Variants in AEBP2 observed in about 807,000 individuals in gnomAD.
The protein encoded by AEBP2 is AE binding protein 2.
AEBP2 carries 10 observed loss-of-function variants against 50.8 expected under a neutral mutation model. That is an observed-to-expected ratio of 0.20 (90% CI 0.12 to 0.33). The LOEUF (loss-of-function observed/expected upper bound fraction) is 0.33. Among genes scored for constraint, AEBP2 ranks in the 10% least tolerant of loss-of-function variants. The pLI, the probability that AEBP2 is intolerant of heterozygous loss-of-function variation, is 1.00. For synonymous variants in AEBP2, 296 were observed against 261.3 expected, an observed-to-expected ratio of 1.13 and a Z score of -1.28; for missense variants, 570 against 688.0, an observed-to-expected ratio of 0.83 and a Z score of 1.92.
rs56666201 is a variant in AEBP2, at chr12:19,473,271, T to C, written c.903T>C (p.Gly301=). Residue 301 remains glycine, a synonymous_variant, in exon 3 of 8, where the codon GGT becomes GGC. Coordinates refer to ENST00000266508, the MANE Select transcript of AEBP2 (RefSeq NM_153207.5). ...RGGVFVCLWK[G]CKVYNTPSTS... ...AGGTATTTGTTTGCTTATGGAAAGG[T>C]TGTAAAGTATATAACACTCCATCTA... 25,396 of 1,506,602 alleles carry C rather than the reference T, an allele frequency of 0.017. 1,517 individuals carry two copies. In the East Asian group the frequency reaches 0.19, roughly 11 times the overall value. 93.3% of individuals were successfully genotyped at this position (1,506,602 alleles called of 1,614,324 possible). A position where few individuals can be genotyped will look rare whatever the true frequency, so the allele number is the denominator to read the frequency against.
intron 5 of AEBP2, among the ~76,000 whole-genome samples, chr12:19,506,290 G>A (rs781119290): frequency 2.6e-5 from 4 of 151,852 alleles, no homozygotes; most frequent in Non-Finnish European, 4.4e-5. Context: ...AGTAGAGATG[G>A]GATTTCGCCA....
chr12:19,463,773 C>G (rs1295435949), intron 2 of AEBP2, among the ~76,000 whole-genome samples: 1 of 139,580 alleles, frequency 7.2e-6, no homozygotes, highest in African/African-American at 2.7e-5. Context: ...CCAAGTGATT[C>G]TCCTGCCTCA....
At chr12:19,462,023 T>C (rs1207948802) in intron 1 of AEBP2, among the ~76,000 whole-genome samples, 1 of 152,154 alleles carries the variant, frequency 6.6e-6, no homozygotes, top group African/African-American at 2.4e-5. Flanking sequence ...TTCTTTGACA[T>C]GAAAAGAAGT....
chr12:19,465,949 G>A (rs533774472), intron 2 of AEBP2, among the ~76,000 whole-genome samples: 26 of 151,484 alleles, frequency 1.7e-4, no homozygotes, highest in East Asian at 7.9e-4. Flanking sequence ...GCACCACCAC[G>A]CCCAGCCAAT....
intron 7 of AEBP2, among the ~76,000 whole-genome samples, chr12:19,515,931 C>T (rs923570579): frequency 1.3e-5 from 2 of 152,038 alleles, no homozygotes; most frequent in Non-Finnish European, 2.9e-5. Flanking sequence ...GAGACCCTGT[C>T]TCTACAAAAA....
chr12:19,453,498 A>G (rs1438463224), intron 1 of AEBP2, among the ~76,000 whole-genome samples: 1 of 149,590 alleles, frequency 6.7e-6, no homozygotes, highest in Non-Finnish European at 1.5e-5. Flanking sequence ...AGCTCAGCTC[A>G]CTGTAGCCTC....
At chr12:19,406,856 A>C (rs10841225) in intron 1 of AEBP2, among the ~76,000 whole-genome samples, 59,131 of 151,960 alleles carry the variant, frequency 0.39, 12,599 homozygotes, top group Non-Finnish European at 0.49. Flanking sequence ...TCTGTGATCC[A>C]TTTTGAACTA....
intron 1 of AEBP2, among the ~76,000 whole-genome samples, chr12:19,445,445 C>T (rs184621637): frequency 1.3e-4 from 19 of 151,702 alleles, no homozygotes; most frequent in African/African-American, 4.4e-4. Context: ...AACTCTTGAC[C>T]TCAAATGATC....
At chr12:19,449,609 G>A (rs557958849) in intron 1 of AEBP2, among the ~76,000 whole-genome samples, 6 of 152,248 alleles carry the variant, frequency 3.9e-5, no homozygotes, top group South Asian at 2.1e-4. Flanking sequence ...AAAGAAAATC[G>A]TTTGTCTTTA....
At chr12:19,418,250 G>C (rs2095743696) in intron 1 of AEBP2, among the ~76,000 whole-genome samples, 1 of 151,022 alleles carries the variant, frequency 6.6e-6, no homozygotes, top group Non-Finnish European at 1.5e-5. Flanking sequence ...TTTGAGACAG[G>C]GTCTCACTTT....
chr12:19,489,521 A>G (rs1948864065), intron 3 of AEBP2, among the ~76,000 whole-genome samples: 1 of 152,232 alleles, frequency 6.6e-6, no homozygotes, highest in Non-Finnish European at 1.5e-5. Flanking sequence ...TCAGTGTTCA[A>G]CAACCAGCTT....
intron 1 of AEBP2, among the ~76,000 whole-genome samples, chr12:19,410,003 T>C (rs530029700): frequency 3.9e-5 from 6 of 152,162 alleles, no homozygotes; most frequent in Non-Finnish European, 7.4e-5. Context: ...TCCAGGGACC[T>C]GATTTCAACC....
In AEBP2 at chr12:19,521,714, C is replaced by T. The variant is rs575063374; in HGVS notation, c.*3597C>T. 1 of 152,124 alleles carries T rather than the reference C, an allele frequency of 6.6e-6. No individual in the cohort carries two copies. The highest frequency in any genetic ancestry group is 2.4e-5 in the African/African-American group (1 of 41,532). The allele number at this position is 152,124 out of a possible 1,614,324, so 9.4% of individuals were successfully genotyped here. ...TTAGTGCTTTTTTCCCCCTTTTACA[C>T]ATTAATAAAATGTTTTAAATATGGT... On this transcript the variant is annotated 3_prime_UTR_variant, in exon 8 of 8. Coordinates refer to ENST00000266508, the MANE Select transcript of AEBP2 (RefSeq NM_153207.5).
At position 19,518,145 on chromosome 12, in the gene AEBP2, C is replaced by T; in HGVS notation, c.*28C>T. On this transcript the variant is annotated 3_prime_UTR_variant, in exon 8 of 8. Transcript: ENST00000266508. ...AATAAATAAATACATAAAAAGCAAA[C>T]AAGCGGGGACACCTGCAGTCTTAGT... is the stretch of plus-strand genomic sequence containing the variant. The T allele has an allele frequency of 6.4e-7, 1 of 1,574,764 alleles. No individual in the cohort carries two copies. The highest frequency in any genetic ancestry group is 8.6e-7 in the Non-Finnish European group (1 of 1,160,544).
At chr12:19,470,891 A>G (rs1193005213) in intron 2 of AEBP2, among the ~76,000 whole-genome samples, 1 of 152,222 alleles carries the variant, frequency 6.6e-6, no homozygotes, top group Non-Finnish European at 1.5e-5. Flanking sequence ...AAAAGTTGTT[A>G]CAGGAATGAT....
chr12:19,457,026 C>T, intron 1 of AEBP2: 1 of 1,604,846 alleles, frequency 6.2e-7, no homozygotes, highest in East Asian at 2.2e-5. Flanking sequence ...TAAAACTTGG[C>T]TCCAGCATGT....
chr12:19,481,208 C>G (rs1948724818), intron 3 of AEBP2, among the ~76,000 whole-genome samples: 1 of 139,698 alleles, frequency 7.2e-6, no homozygotes, highest in South Asian at 2.4e-4. Flanking sequence ...TCAAGTGATT[C>G]TCTTGCCTCA....
chr12:19,459,847 A>G (rs1321619557), intron 1 of AEBP2, among the ~76,000 whole-genome samples: 1 of 152,212 alleles, frequency 6.6e-6, no homozygotes, highest in South Asian at 2.1e-4. Context: ...TATCTGAAGC[A>G]TCCTACAAAA....
chr12:19,473,662 A>T (rs185708623), intron 3 of AEBP2, among the ~76,000 whole-genome samples: 1 of 152,068 alleles, frequency 6.6e-6, no homozygotes, highest in Non-Finnish European at 1.5e-5. Flanking sequence ...CGCCTTGGCC[A>T]CCCAAAGTGC....
Sources: gnomAD v4.1 joint callset for allele counts (sites outside exome capture counted in the v4.1 genomes callset) on GRCh38, gnomAD v4.1.1 for gene constraint, MANE v1.5 for transcripts, NCBI Gene and HGNC (gene_info 2026-07-23, HGNC 2026-07-21) for gene names.